The following ARHGAP39 variants were observed in gnomAD, a reference collection of about 807,000 sequenced individuals.
The protein encoded by ARHGAP39 is rho GTPase-activating protein 39.
ARHGAP39 carries 44 observed loss-of-function variants against 106.9 expected under a neutral mutation model. That is an observed-to-expected ratio of 0.41 (90% CI 0.32 to 0.53). The LOEUF (loss-of-function observed/expected upper bound fraction) is 0.53, where lower values mean the gene tolerates loss of function less well. ARHGAP39 is among the 20% of genes least tolerant of loss of function. The probability of loss-of-function intolerance (pLI) is 0.21; values close to 1 mark genes in which losing one functional copy is unlikely to be tolerated. For synonymous variants in ARHGAP39, 768 were observed against 693.2 expected, an observed-to-expected ratio of 1.11 and a Z score of -1.69; for missense variants, 1,496 against 1,577.3, an observed-to-expected ratio of 0.95 and a Z score of 0.87.
chr8:144,699,617 C>T, the ARHGAP39 span, among the ~76,000 whole-genome samples: 2 of 41,584 alleles, frequency 4.8e-5, no homozygotes, highest in East Asian at 7.7e-4. Context: ...TGTGGGCGCT[C>T]GGCGGCAGGG....
chr8:144,599,858 A>T (rs1275203590), intron 2 of ARHGAP39, among the ~76,000 whole-genome samples: 6 of 152,218 alleles, frequency 3.9e-5, no homozygotes, highest in Admixed American at 3.9e-4. Context: ...GAATGGGTGA[A>T]GCAATTCTGA....
chr8:144,679,789 G>T lies in ARHGAP39; in HGVS notation c.-82+5897C>A, dbSNP rs981105515. Reference sequence around the variant, plus strand: ...AGGTCAGGAGATCGAGACCATCCTGGCTAACACAGTGAAACCCCGTGTCTA... The same window carrying T: ...AGGTCAGGAGATCGAGACCATCCTGTCTAACACAGTGAAACCCCGTGTCTA... On this transcript the variant is annotated intron_variant, in intron 1 of 11. Transcript: ENST00000377307. This position sits in a 1 kb window ranked among gnomAD's most constrained non-coding sequence, Gnocchi z 4.7. 6.6e-6 allele frequency among the ~76,000 whole-genome samples: 1 copy of T among 152,160 alleles called. No individual in the cohort carries two copies. Among genetic ancestry groups the T allele is most frequent in the African/African-American group, 2.4e-5 (1 of 41,420 alleles).
chr8:144,536,185 C>T (rs562291027), intron 7 of ARHGAP39, among the ~76,000 whole-genome samples: 4 of 152,182 alleles, frequency 2.6e-5, no homozygotes, highest in Admixed American at 2.6e-4. Context: ...TCATCTCCAT[C>T]CCCCTCCGGC....
rs1174032022 is a variant in ARHGAP39, at chr8:144,646,965, A to AT, written c.-82+38720dup. On this transcript the variant is annotated intron_variant, in intron 1 of 11. Coordinates refer to ENST00000377307, the MANE Select transcript of ARHGAP39 (RefSeq NM_025251.3). The surrounding 1 kb of genome is among the most constrained non-coding windows in gnomAD (Gnocchi z 5.7). Reference sequence around the variant, plus strand: ...TGGAGGCATCTGCTCTGCTCTGACCATTTTTTTTTTTTTTTTTTTTTTGAG... The same window carrying AT: ...TGGAGGCATCTGCTCTGCTCTGACCATTTTTTTTTTTTTTTTTTTTTTTGAG... Among the ~76,000 whole-genome samples the AT allele has an allele frequency of 0.057, 6,586 of 114,582 alleles. 365 individuals carry two copies. Among genetic ancestry groups the AT allele is most frequent in the East Asian group, 0.25 (954 of 3,850 alleles). The allele number at this position is 114,582 out of a possible 152,430, so 75.2% of individuals were successfully genotyped here.
chr8:144,644,565 C>G lies in ARHGAP39; in HGVS notation c.-81-38870G>C, dbSNP rs1181092503. ...TTATACCTCCATAATTGAAACACTGCCAAATGCACGCCGGCTCGTGGCGGC... is the reference window on the plus strand; with the variant it reads ...TTATACCTCCATAATTGAAACACTGGCAAATGCACGCCGGCTCGTGGCGGC... On this transcript the variant is annotated intron_variant, in intron 1 of 11. Transcript: ENST00000377307. This position sits in a 1 kb window ranked among gnomAD's most constrained non-coding sequence, Gnocchi z 4.8. 6.6e-6 allele frequency among the ~76,000 whole-genome samples: 1 copy of G among 152,220 alleles called. No individual in the cohort carries two copies. Among genetic ancestry groups the G allele is most frequent in the African/African-American group, 2.4e-5 (1 of 41,456 alleles).
At chr8:144,696,225 G>A in the ARHGAP39 span, among the ~76,000 whole-genome samples, 1 of 152,020 alleles carries the variant, frequency 6.6e-6, no homozygotes, top group Non-Finnish European at 1.5e-5. Context: ...TGCAACCTCC[G>A]CCTCCTGGGT....
At chr8:144,619,407 C>T (rs934282065) in intron 1 of ARHGAP39, among the ~76,000 whole-genome samples, 3 of 150,824 alleles carry the variant, frequency 2.0e-5, no homozygotes, top group African/African-American at 4.9e-5. Context: ...TGTGCGTGTG[C>T]GCCCGTGTGC....
intron 1 of ARHGAP39, among the ~76,000 whole-genome samples, chr8:144,618,876 G>A (rs1014054487): frequency 2.6e-5 from 4 of 152,234 alleles, no homozygotes; most frequent in Non-Finnish European, 4.4e-5. Context: ...CCACCGTGGC[G>A]GGCACAGTTG....
chr8:144,544,465 G>A (rs1285994363), intron 6 of ARHGAP39, among the ~76,000 whole-genome samples: 1 of 152,240 alleles, frequency 6.6e-6, no homozygotes, highest in Non-Finnish European at 1.5e-5. Flanking sequence ...TGACCTGGAG[G>A]GTGTGTGTGC....
In ARHGAP39 at chr8:144,664,833, C is replaced by A. The variant is rs915441632; in HGVS notation, c.-82+20853G>T. Among the ~76,000 whole-genome samples the A allele has an allele frequency of 3.3e-5, 5 of 152,146 alleles. No homozygotes were observed. In the South Asian group the frequency reaches 1.0e-3, roughly 32 times the overall value. ...AAGTCCAATTAAACTTCTTTTTGTT[C>A]CCAGTCTGGCAGCATGAAAATGGAC... On this transcript the variant is annotated intron_variant, in intron 1 of 11. Coordinates refer to ENST00000377307, the MANE Select transcript of ARHGAP39 (RefSeq NM_025251.3).
intron 2 of ARHGAP39, among the ~76,000 whole-genome samples, chr8:144,587,360 A>AT (rs1351802486): frequency 6.6e-6 from 1 of 152,218 alleles, no homozygotes; most frequent in East Asian, 1.9e-4. Context: ...AACGCGTGGA[A>AT]TGCACACTGC....
At chr8:144,601,217 CGT>C (rs1325109763) in intron 2 of ARHGAP39, among the ~76,000 whole-genome samples, 2 of 80,792 alleles carry the variant, frequency 2.5e-5, no homozygotes, top group African/African-American at 9.6e-5. Flanking sequence ...CGTGGAGGTG[CGT>C]GTGCAAGCTC....
intron 8 of ARHGAP39, 87 bp downstream of exon 8, chr8:144,534,042 C>A: frequency 2.0e-6 from 3 of 1,491,220 alleles, no homozygotes; most frequent in Admixed American, 1.7e-5. Context: ...TGCCCCATAC[C>A]AAACTGCAGG....
chr8:144,555,293 C>G (rs973102900), intron 4 of ARHGAP39, among the ~76,000 whole-genome samples: 12 of 152,256 alleles, frequency 7.9e-5, no homozygotes, highest in Non-Finnish European at 1.5e-4. Context: ...CTCTGCTGCT[C>G]CACCAGGGGC....
At chr8:144,600,151 CTG>C (rs1389884878) in intron 2 of ARHGAP39, among the ~76,000 whole-genome samples, 3 of 151,066 alleles carry the variant, frequency 2.0e-5, no homozygotes, top group African/African-American at 2.4e-5. Flanking sequence ...ATGTACCTAC[CTG>C]TGTGTGTGCG....
chr8:144,633,967 G>A (rs1563717531), intron 1 of ARHGAP39, among the ~76,000 whole-genome samples: 1 of 152,246 alleles, frequency 6.6e-6, no homozygotes, highest in Non-Finnish European at 1.5e-5. Context: ...ACTGCAGAGA[G>A]GAAAACAAAA....
At chr8:144,619,823 T>TGA (rs574154130) in intron 1 of ARHGAP39, among the ~76,000 whole-genome samples, 1 of 145,184 alleles carries the variant, frequency 6.9e-6, no homozygotes, top group African/African-American at 2.6e-5. Flanking sequence ...CTTGTGTCCC[T>TGA]GAGAGTGTGT....
intron 1 of ARHGAP39, among the ~76,000 whole-genome samples, chr8:144,623,292 A>G (rs926102626): frequency 6.6e-5 from 10 of 152,248 alleles, no homozygotes; most frequent in African/African-American, 2.4e-4. Flanking sequence ...TGGTCCTCAA[A>G]TGACAGAGTA....
intron 2 of ARHGAP39, among the ~76,000 whole-genome samples, chr8:144,595,355 T>G (rs576013410): frequency 6.6e-6 from 1 of 152,226 alleles, no homozygotes; most frequent in South Asian, 2.1e-4. Context: ...TCCACGTACT[T>G]CAATCGTCTG....
Sources: allele counts gnomAD v4.1 joint callset (sites outside exome capture counted in the v4.1 genomes callset), GRCh38; gene constraint gnomAD v4.1.1; non-coding constraint Gnocchi (gnomAD v3.1); transcripts MANE v1.5; gene names NCBI Gene and HGNC (gene_info 2026-07-23, HGNC 2026-07-21).